The following MYOM3 variants were observed in gnomAD, a reference collection of about 807,000 sequenced individuals.
MYOM3 encodes myomesin 3.
In MYOM3, 155 loss-of-function variants were observed where a neutral mutation model predicts 191.7. The observed-to-expected ratio is 0.81, with a 90% CI of 0.71 to 0.92. The LOEUF (loss-of-function observed/expected upper bound fraction) is 0.92. Among genes scored for constraint, MYOM3 ranks in the 40% least tolerant of loss-of-function variants. The probability of loss-of-function intolerance (pLI) is 0.00; values close to 1 mark genes in which losing one functional copy is unlikely to be tolerated. For synonymous variants in MYOM3, 757 were observed against 762.9 expected (o/e 0.99, Z 0.13); for missense variants, 1,889 against 1,890.6 (o/e 1.00, Z 0.02).
chr1:24,094,210 C>G (rs996396028), intron 9 of MYOM3, among the ~76,000 whole-genome samples: 1 of 145,610 alleles, frequency 6.9e-6, no homozygotes, highest in African/African-American at 2.6e-5. Flanking sequence ...TTGCTCTTGT[C>G]CCCCAGGCTG....
At chr1:24,080,940 G>A (rs899270747) in intron 19 of MYOM3, among the ~76,000 whole-genome samples, 1 of 152,188 alleles carries the variant, frequency 6.6e-6, no homozygotes, top group African/African-American at 2.4e-5. Context: ...ATTTGTCCAA[G>A]ACTAAGAGGG....
At chr1:24,107,541 A>G (rs1557619528) in intron 3 of MYOM3, among the ~76,000 whole-genome samples, 1 of 152,140 alleles carries the variant, frequency 6.6e-6, no homozygotes, top group Non-Finnish European at 1.5e-5. Flanking sequence ...AGGCTTAGCA[A>G]CTTGCTTCAG....
In MYOM3 at chr1:24,066,457, T is replaced by C. The variant is rs1643435572; in HGVS notation, c.3424-456A>G. 1.1e-5 allele frequency: 6 copies of C among 560,746 alleles called. No individual in the cohort carries two copies. In the South Asian group the frequency reaches 1.3e-4, roughly 12 times the overall value. The allele number at this position is 560,746 out of a possible 1,614,324, so 34.7% of individuals were successfully genotyped here. ...TCTGAGTTTACTGAATGAATATGCTTCTGGGAGAGCACCCACCCTCCCCTT... is the reference window on the plus strand; with the variant it reads ...TCTGAGTTTACTGAATGAATATGCTCCTGGGAGAGCACCCACCCTCCCCTT... On this transcript the variant is annotated intron_variant, in intron 28 of 36. Transcript: ENST00000374434.
Position 24,090,936 on chromosome 1 carries a change from C to T in MYOM3, c.1293G>A (p.Arg431=). The change falls in exon 12 of 37, where the codon CGG becomes CGA. Residue 431 remains arginine, a synonymous_variant. Coordinates refer to ENST00000374434, the MANE Select transcript of MYOM3 (RefSeq NM_152372.4). Reference sequence around the variant, plus strand: ...CTTCGACGAGGCCTTGGATTGGGCACCGACAAGTCCCTCCGGGGGCCTCAT... The same window carrying T: ...CTTCGACGAGGCCTTGGATTGGGCATCGACAAGTCCCTCCGGGGGCCTCAT... ...ACHEAPGGTC[R]CPIQGLVEGQ... The T allele has an allele frequency of 1.9e-6, 3 of 1,614,140 alleles. No homozygotes were observed. The highest frequency in any genetic ancestry group is 2.5e-6 in the Non-Finnish European group (3 of 1,180,018).
intron 35 of MYOM3, 115 bp from the exon 36 acceptor site, chr1:24,059,094 A>G (rs1437661547): frequency 8.7e-6 from 6 of 692,132 alleles, no homozygotes; most frequent in Non-Finnish European, 1.5e-5. Flanking sequence ...TCCTTTTTCT[A>G]TTTTCATTAT....
intron 20 of MYOM3, among the ~76,000 whole-genome samples, chr1:24,078,287 G>C (rs1009442691): frequency 2.6e-5 from 4 of 151,938 alleles, no homozygotes; most frequent in Admixed American, 6.6e-5. Flanking sequence ...GCTAATTTTT[G>C]TATTTTTTTT....
chr1:24,063,582 GT>G lies in MYOM3; in HGVS notation c.3623-53del. ...GCTGGCATAGGGCTCCCCTAGGGAT[GT>G]GCTAGGAGTGGGGACATCCTAGAAA... On this transcript the variant is annotated intron_variant, in intron 30 of 36. Transcript: ENST00000374434. The surrounding 1 kb of genome is among the most constrained non-coding windows in gnomAD (Gnocchi z 4.5). 5 of 1,605,426 alleles carry G rather than the reference GT, an allele frequency of 3.1e-6. No individual in the cohort carries two copies. Among genetic ancestry groups the G allele is most frequent in the Non-Finnish European group, 4.3e-6 (5 of 1,172,394 alleles).
intron 16 of MYOM3, chr1:24,083,298 C>T (rs942775165): frequency 2.0e-5 from 3 of 152,258 alleles, no homozygotes; most frequent in Admixed American, 1.3e-4. Flanking sequence ...GCCAGGCCTT[C>T]ATCTTTCTTC....
intron 7 of MYOM3, among the ~76,000 whole-genome samples, chr1:24,095,796 T>C (rs2148557829): frequency 6.6e-6 from 1 of 152,256 alleles, no homozygotes; most frequent in Middle Eastern, 3.4e-3. Context: ...CCCAGGATTA[T>C]GCACTGTCTT....
chr1:24,067,042 G>T lies in MYOM3; in HGVS notation c.3402C>A (p.Cys1134Ter). The T allele has an allele frequency of 6.3e-7, 1 of 1,576,450 alleles. No homozygotes were observed. Among genetic ancestry groups the T allele is most frequent in the Non-Finnish European group, 8.6e-7 (1 of 1,159,052 alleles). ...TTGCCTTGCACGTCAGCTGCACTTG[G>T]CAGTCCTCCGTGACCTTCCACTGCA... ...RPLQWKVTED[C>*]QVQLTCKVTN... Residue 1134 changes from cysteine to a stop codon, truncating the protein, a stop_gained, in exon 28 of 37, where the codon TGC becomes TGA. Coordinates refer to ENST00000374434, the MANE Select transcript of MYOM3 (RefSeq NM_152372.4). LOFTEE classifies it high-confidence loss of function.
intron 23 of MYOM3, 85 bp downstream of exon 23, chr1:24,074,075 G>C: frequency 1.0e-6 from 1 of 991,552 alleles, no homozygotes; most frequent in Non-Finnish European, 1.6e-6. Flanking sequence ...TACTCATTTT[G>C]GTTGCTTTTT....
At position 24,063,057 on chromosome 1, in the gene MYOM3, G is replaced by T. The variant is rs1176553602; in HGVS notation, c.3770+69C>A. ...GAGGACCAGGCAGGGAGAAGGGAGG[G>T]AGGCCCCCATGGGTCAGGTGCTGAA... On this transcript the variant is annotated intron_variant, in intron 32 of 36. Coordinates refer to ENST00000374434, the MANE Select transcript of MYOM3 (RefSeq NM_152372.4). The surrounding 1 kb of genome is among the most constrained non-coding windows in gnomAD (Gnocchi z 4.5). 2.9e-6 allele frequency: 3 copies of T among 1,017,000 alleles called. No individual in the cohort carries two copies. In the African/African-American group the frequency reaches 4.7e-5, roughly 16 times the overall value. 63.0% of individuals were successfully genotyped at this position (1,017,000 alleles called of 1,614,324 possible).
chr1:24,063,907 T>C lies in MYOM3; in HGVS notation c.3622+165A>G. 1.6e-6 allele frequency: 1 copy of C among 627,562 alleles called. No homozygotes were observed. The highest frequency in any genetic ancestry group is 2.8e-6 in the Non-Finnish European group (1 of 358,216). The allele number at this position is 627,562 out of a possible 1,614,324, so 38.9% of individuals were successfully genotyped here. A position where few individuals can be genotyped will look rare whatever the true frequency, so the allele number is the denominator to read the frequency against. ...GGCATCGGAGTCACACCGACCTGGC[T>C]CCTGCCACTGACTAGATGTGGAATC... On this transcript the variant is annotated intron_variant, in intron 30 of 36. Coordinates refer to ENST00000374434, the MANE Select transcript of MYOM3 (RefSeq NM_152372.4). This position sits in a 1 kb window ranked among gnomAD's most constrained non-coding sequence, Gnocchi z 4.5.
At position 24,065,938 on chromosome 1, in the gene MYOM3, C is replaced by T. The variant is rs778320314; in HGVS notation, c.3487G>A (p.Gly1163Ser). ...WFFQRAEMPD[G>S]QYDPETGTGL... ...GTTCCCGTCTCTGGGTCATACTGAC[C>T]ATCTGGCATCTCTGCCCTCTGGAAG... is the stretch of plus-strand genomic sequence containing the variant. The change falls in exon 29 of 37, where the codon GGT (glycine) becomes AGT (serine). Residue 1163 changes from glycine to serine, a missense_variant. Gly to Ser is a moderately conservative substitution (Grantham distance 56). Coordinates refer to ENST00000374434, the MANE Select transcript of MYOM3 (RefSeq NM_152372.4). The T allele has an allele frequency of 1.9e-6, 3 of 1,614,162 alleles. No individual in the cohort carries two copies. The highest frequency in any genetic ancestry group is 2.2e-5 in the East Asian group (1 of 44,880).
At position 24,063,933 on chromosome 1, in the gene MYOM3, T is replaced by C. The variant is rs1643403230; in HGVS notation, c.3622+139A>G. ...CCTGCCACTGACTAGATGTGGAATC[T>C]TGGGCAAGTTACTTAATCTCTTTGT... On this transcript the variant is annotated intron_variant, in intron 30 of 36. Transcript: ENST00000374434. This position sits in a 1 kb window ranked among gnomAD's most constrained non-coding sequence, Gnocchi z 4.5. The C allele has an allele frequency of 5.7e-6, 4 of 702,644 alleles. No individual in the cohort carries two copies. The highest frequency in any genetic ancestry group is 9.6e-6 in the Non-Finnish European group (4 of 415,358). 43.5% of individuals were successfully genotyped at this position (702,644 alleles called of 1,614,324 possible). A position where few individuals can be genotyped will look rare whatever the true frequency, so the allele number is the denominator to read the frequency against.
intron 20 of MYOM3, among the ~76,000 whole-genome samples, chr1:24,079,441 C>T (rs1178936374): frequency 4.6e-5 from 7 of 151,962 alleles, no homozygotes; most frequent in Non-Finnish European, 7.4e-5. Context: ...TTGAGCAATC[C>T]TCCCACCTCG....
chr1:24,064,431 C>T (rs1002556330), intron 29 of MYOM3, among the ~76,000 whole-genome samples: 30 of 152,162 alleles, frequency 2.0e-4, no homozygotes, highest in African/African-American at 7.2e-4. Flanking sequence ...AACCAGACAC[C>T]TTCGTTTGCA....
chr1:24,089,702 C>T (rs1274999126), intron 13 of MYOM3, 37 bp from the exon 14 acceptor site: 2 of 1,538,858 alleles, frequency 1.3e-6, no homozygotes, highest in Non-Finnish European at 1.8e-6. Flanking sequence ...GATGGTTGGA[C>T]CCTCAGAGAC....
At chr1:24,091,758 G>T (rs115348844) in intron 11 of MYOM3, among the ~76,000 whole-genome samples, 1 of 152,170 alleles carries the variant, frequency 6.6e-6, no homozygotes, top group Non-Finnish European at 1.5e-5. Flanking sequence ...CTTCAGAGCC[G>T]GCCACACTGG....
Sources: gnomAD v4.1 joint callset for allele counts (sites outside exome capture counted in the v4.1 genomes callset) on GRCh38, gnomAD v4.1.1 for gene constraint, Gnocchi (gnomAD v3.1) non-coding constraint, MANE v1.5 for transcripts, NCBI Gene and HGNC (gene_info 2026-07-23, HGNC 2026-07-21) for gene names.